DYRK3: variants seen among roughly 807,000 people sequenced by gnomAD.
DYRK3 encodes the protein dual specificity tyrosine phosphorylation regulated kinase 3, also known as dual specificity tyrosine-phosphorylation-regulated kinase 3.
In DYRK3, 30 loss-of-function variants were observed where a neutral mutation model predicts 40.8. The observed-to-expected ratio is 0.74, with a 90% CI of 0.55 to 1.00. DYRK3 has a LOEUF of 1.00. Ranked by LOEUF, DYRK3 falls within the 50% of genes least tolerant of loss-of-function variation. The pLI, the probability that DYRK3 is intolerant of heterozygous loss-of-function variation, is 0.00. For missense variants in DYRK3, 699 were observed against 731.5 expected (o/e 0.96, Z 0.51); for synonymous variants, 272 against 260.7 (o/e 1.04, Z -0.42).
rs782331958 is a variant in DYRK3, at chr1:206,648,399, G to C, written c.1201G>C (p.Glu401Gln). The change falls in exon 3 of 3, where the codon GAA becomes CAA. Residue 401 changes from glutamate to glutamine, a missense_variant. Coordinates refer to ENST00000367109, the MANE Select transcript of DYRK3 (RefSeq NM_003582.4). ...ATGGAGTTTTGGCTGCATCCTTGCA[G>C]AACTTTTAACAGGACAGCCTCTCTT... ...DIWSFGCILA[E>Q]LLTGQPLFPG... is the part of the protein sequence containing the mutation. 6.2e-7 allele frequency: 1 copy of C among 1,614,188 alleles called. No homozygotes were observed.
chr1:206,636,065 G>T, intron 1 of DYRK3: 1 of 1,536,044 alleles, frequency 6.5e-7, no homozygotes, highest in Non-Finnish European at 8.8e-7. Context: ...TATATGTTAA[G>T]GGATTACGAA....
rs200323668 is a variant in DYRK3 at position 206,648,241 on chromosome 1, G to A, written c.1043G>A (p.Arg348His). ...AACATTCTCCTGAAACACCACGGGC[G>A]CAGTTCAACCAAGGTCATTGACTTT... ...PENILLKHHGRSSTKVIDFGS... is the reference protein window; with the variant it reads ...PENILLKHHGHSSTKVIDFGS... Residue 348 changes from arginine to histidine, a missense_variant, in exon 3 of 3, where the codon CGC becomes CAC. By Grantham distance (29) the Arg-to-His change is conservative. Coordinates refer to ENST00000367109, the MANE Select transcript of DYRK3 (RefSeq NM_003582.4). 4.3e-5 allele frequency: 69 copies of A among 1,614,114 alleles called. No homozygotes were observed. Among genetic ancestry groups the A allele is most frequent in the Non-Finnish European group, 4.8e-5 (57 of 1,180,024 alleles).
rs181707663 is a variant in DYRK3, at chr1:206,640,792, C to T, written c.189+3031C>T. Among the ~76,000 whole-genome samples, 674 of 152,160 alleles carry T rather than the reference C, an allele frequency of 4.4e-3. 3 individuals carry two copies. Among genetic ancestry groups the T allele is most frequent in the African/African-American group, 0.012 (496 of 41,534 alleles). ...GTCTCGATCTCTTGACCTCGTGATC[C>T]GCCCGCCTTGGCCTCCCAAAGTGCT... On this transcript the variant is annotated intron_variant, in intron 2 of 2. Coordinates refer to ENST00000367109, the MANE Select transcript of DYRK3 (RefSeq NM_003582.4).
At chr1:206,644,019 A>G (rs114523443) in intron 2 of DYRK3, among the ~76,000 whole-genome samples, 1,924 of 143,000 alleles carry the variant, frequency 0.013, 50 homozygotes, top group African/African-American at 0.048. Context: ...GGAAGGCAAC[A>G]GGGACCTACA....
rs1671594003 is a variant in DYRK3 at position 206,650,152 on chromosome 1, A to G, written c.*1187A>G. 6.6e-6 allele frequency among the ~76,000 whole-genome samples: 1 copy of G among 152,230 alleles called. No individual in the cohort carries two copies. The highest frequency in any genetic ancestry group is 2.4e-5 in the African/African-American group (1 of 41,466). On this transcript the variant is annotated 3_prime_UTR_variant, in exon 3 of 3. Transcript: ENST00000367109. ...TAATTGTTAAGCCAGTGTCCTACTTACAAGGGTGGAGACGGGACAGAAGCT... is the reference window on the plus strand; with the variant it reads ...TAATTGTTAAGCCAGTGTCCTACTTGCAAGGGTGGAGACGGGACAGAAGCT...
chr1:206,639,665 T>G (rs1671227247), intron 2 of DYRK3, among the ~76,000 whole-genome samples: 2 of 151,742 alleles, frequency 1.3e-5, no homozygotes, highest in South Asian at 4.2e-4. Context: ...TTTCACTGTA[T>G]TGGTCAGGCT....
chr1:206,648,683 T>C lies in DYRK3; in HGVS notation c.1485T>C (p.Phe495=), dbSNP rs1671541426. ...TALKGCDDYL[F]IEFLKRCLHW... ...TGAAAGGGTGTGATGACTACTTGTTTATAGAGTTCTTGAAAAGGTGTCTTC... is the reference window on the plus strand; with the variant it reads ...TGAAAGGGTGTGATGACTACTTGTTCATAGAGTTCTTGAAAAGGTGTCTTC... The change falls in exon 3 of 3, where the codon TTT becomes TTC. Residue 495 remains phenylalanine (F), a synonymous_variant. Coordinates refer to ENST00000367109, the MANE Select transcript of DYRK3 (RefSeq NM_003582.4). 2 of 1,613,988 alleles carry C rather than the reference T, an allele frequency of 1.2e-6. No homozygotes were observed. Among genetic ancestry groups the C allele is most frequent in the African/African-American group, 1.3e-5 (1 of 75,014 alleles).
Position 206,649,511 on chromosome 1 carries a change from A to G in DYRK3, c.*546A>G, listed in dbSNP as rs1671574911. 1.3e-5 allele frequency among the ~76,000 whole-genome samples: 2 copies of G among 151,698 alleles called. No individual in the cohort carries two copies. The highest frequency in any genetic ancestry group is 1.3e-4 in the Admixed American group (2 of 15,232). On this transcript the variant is annotated 3_prime_UTR_variant, in exon 3 of 3. Coordinates refer to ENST00000367109, the MANE Select transcript of DYRK3 (RefSeq NM_003582.4). ...CAACTGGTGTCCCTGGTTTTCAGTG[A>G]CTCGCTCCTCTTCCCTTCAGTTCTC...
intron 2 of DYRK3, 71 bp downstream of exon 2, chr1:206,637,832 G>GT: frequency 8.4e-7 from 1 of 1,196,064 alleles, no homozygotes; most frequent in Non-Finnish European, 1.2e-6. Context: ...AATGCTCAAG[G>GT]TACACTTATG....
At position 206,648,251 on chromosome 1, in the gene DYRK3, C is replaced by T. The variant is rs782481627; in HGVS notation, c.1053C>T (p.Thr351=). The change falls in exon 3 of 3, where the codon ACC becomes ACT. Residue 351 remains threonine, a synonymous_variant. Transcript: ENST00000367109. ...TGAAACACCACGGGCGCAGTTCAACCAAGGTCATTGACTTTGGGTCCAGCT... is the reference window on the plus strand; with the variant it reads ...TGAAACACCACGGGCGCAGTTCAACTAAGGTCATTGACTTTGGGTCCAGCT... ...ILLKHHGRSS[T]KVIDFGSSCF... 2 of 1,614,158 alleles carry T rather than the reference C, an allele frequency of 1.2e-6. No individual in the cohort carries two copies. Among genetic ancestry groups the T allele is most frequent in the Admixed American group, 1.7e-5 (1 of 60,020 alleles).
At chr1:206,643,205 A>G (rs1671339705) in intron 2 of DYRK3, among the ~76,000 whole-genome samples, 1 of 152,076 alleles carries the variant, frequency 6.6e-6, no homozygotes, top group Admixed American at 6.5e-5. Flanking sequence ...CCTTTTAGGT[A>G]CCCAGAGGGT....
intron 2 of DYRK3, among the ~76,000 whole-genome samples, chr1:206,642,200 A>G (rs1326772283): frequency 2.0e-5 from 3 of 150,766 alleles, no homozygotes; most frequent in Non-Finnish European, 4.4e-5. Flanking sequence ...ACTGGCCATC[A>G]GAGAAATGCA....
At position 206,650,905 on chromosome 1, in the gene DYRK3, G is replaced by C. The variant is rs1435025199; in HGVS notation, c.*1940G>C. 6.6e-6 allele frequency among the ~76,000 whole-genome samples: 1 copy of C among 152,154 alleles called. No individual in the cohort carries two copies. The highest frequency in any genetic ancestry group is 1.5e-5 in the Non-Finnish European group (1 of 68,020). ...TGAGCCTTCAGCCTCATTAATAGGAGGAAGTCTTGGTACTTTTGGTGACTA... is the reference window on the plus strand; with the variant it reads ...TGAGCCTTCAGCCTCATTAATAGGACGAAGTCTTGGTACTTTTGGTGACTA... On this transcript the variant is annotated 3_prime_UTR_variant, in exon 3 of 3. Transcript: ENST00000367109.
intron 1 of DYRK3, 125 bp downstream of exon 1, chr1:206,635,905 G>A: frequency 2.3e-6 from 3 of 1,290,644 alleles, no homozygotes; most frequent in Non-Finnish European, 2.9e-6. Flanking sequence ...GCAGGGGTCT[G>A]ACTGCCTCCC....
chr1:206,638,202 G>C (rs559893373), intron 2 of DYRK3, among the ~76,000 whole-genome samples: 1 of 150,392 alleles, frequency 6.6e-6, no homozygotes, highest in South Asian at 2.1e-4. Context: ...CCATTTTATA[G>C]ATAGATGATA....
Position 206,649,029 on chromosome 1 carries a change from G to A in DYRK3, c.*64G>A. On this transcript the variant is annotated 3_prime_UTR_variant, in exon 3 of 3. Coordinates refer to ENST00000367109, the MANE Select transcript of DYRK3 (RefSeq NM_003582.4). ...TTTATGATCTTACAAACCTGCAAAT[G>A]GAAAAAATGCAAGCCCATTGGTGGA... is the stretch of plus-strand genomic sequence containing the variant. 6.8e-7 allele frequency: 1 copy of A among 1,465,030 alleles called. No homozygotes were observed. The highest frequency in any genetic ancestry group is 1.4e-5 in the African/African-American group (1 of 70,926). 90.8% of individuals were successfully genotyped at this position (1,465,030 alleles called of 1,614,324 possible).
At position 206,635,559 on chromosome 1, in the gene DYRK3, G is replaced by C. The variant is rs1182152628; in HGVS notation, c.-145G>C. 1.9e-5 allele frequency: 20 copies of C among 1,078,202 alleles called. No homozygotes were observed. Among genetic ancestry groups the C allele is most frequent in the Non-Finnish European group, 2.4e-5 (20 of 848,410 alleles). 66.8% of individuals were successfully genotyped at this position (1,078,202 alleles called of 1,614,324 possible). A position where few individuals can be genotyped will look rare whatever the true frequency, so the allele number is the denominator to read the frequency against. On this transcript the variant is annotated 5_prime_UTR_variant, in exon 1 of 3. Transcript: ENST00000367109. ...CCACTTCCCAGCCGGGGCCAGTCGGGAGCGAAAGTGCGCTGAGCTGCAGTG... is the reference window on the plus strand; with the variant it reads ...CCACTTCCCAGCCGGGGCCAGTCGGCAGCGAAAGTGCGCTGAGCTGCAGTG...
At chr1:206,644,361 C>T (rs1671389814) in intron 2 of DYRK3, among the ~76,000 whole-genome samples, 1 of 151,792 alleles carries the variant, frequency 6.6e-6, no homozygotes, top group Non-Finnish European at 1.5e-5. Context: ...AGTAGTGTAG[C>T]CAGGACCCCA....
intron 2 of DYRK3, among the ~76,000 whole-genome samples, chr1:206,641,625 C>A (rs1391097730): frequency 6.7e-6 from 1 of 150,008 alleles, no homozygotes; most frequent in Admixed American, 6.6e-5. Context: ...TGATTCAGGC[C>A]AGTATTTGAG....
Sources: allele counts gnomAD v4.1 joint callset (sites outside exome capture counted in the v4.1 genomes callset), GRCh38; gene constraint gnomAD v4.1.1; transcripts MANE v1.5; gene names NCBI Gene and HGNC (gene_info 2026-07-23, HGNC 2026-07-21).